AFAP1L2: variants seen among roughly 807,000 people sequenced by gnomAD.
The protein encoded by AFAP1L2 is actin filament-associated protein 1-like 2.
In AFAP1L2, 46 loss-of-function variants were observed where a neutral mutation model predicts 99.3. The ratio of observed to expected loss-of-function variants is 0.46; its 90% CI spans 0.37 to 0.59. The LOEUF is 0.59. AFAP1L2 is among the 20% of genes least tolerant of loss of function. The probability of loss-of-function intolerance (pLI) is 0.00; values close to 1 mark genes in which losing one functional copy is unlikely to be tolerated. For missense variants in AFAP1L2, 959 were observed against 1,034.9 expected (o/e 0.93, Z 1.01); for synonymous variants, 397 against 419.1 (o/e 0.95, Z 0.64).
chr10:114,389,399 T>C (rs187335843), intron 1 of AFAP1L2, among the ~76,000 whole-genome samples: 3 of 152,330 alleles, frequency 2.0e-5, no homozygotes, highest in Admixed American at 1.3e-4. Context: ...TTGGATACAC[T>C]GATTTTGAGT....
chr10:114,326,120 C>A (rs987043349), intron 4 of AFAP1L2: 17 of 1,132,000 alleles, frequency 1.5e-5, no homozygotes, highest in Non-Finnish European at 1.8e-5. Context: ...CAGGGTCTGT[C>A]CCTGGGGGCC....
At chr10:114,349,555 G>GAAAAA (rs200302338) in intron 1 of AFAP1L2, among the ~76,000 whole-genome samples, 1 of 123,780 alleles carries the variant, frequency 8.1e-6, no homozygotes. Flanking sequence ...TTGTCGCTTG[G>GAAAAA]AAAAAAAAAA....
chr10:114,389,573 T>C (rs571751351), intron 1 of AFAP1L2, among the ~76,000 whole-genome samples: 33 of 152,334 alleles, frequency 2.2e-4, no homozygotes, highest in African/African-American at 7.5e-4. Flanking sequence ...CTTAGTGATG[T>C]GAACCCAAGG....
At chr10:114,288,275 G>A in the AFAP1L2 span, among the ~76,000 whole-genome samples, 18 of 152,072 alleles carry the variant, frequency 1.2e-4, no homozygotes, top group African/African-American at 3.6e-4. Flanking sequence ...GGTCTCTCTC[G>A]AAGTCCCCTG....
chr10:114,289,974 A>G, downstream of AFAP1L2: 1 of 276,716 alleles, frequency 3.6e-6, no homozygotes, highest in Non-Finnish European at 6.8e-6. Context: ...CCTGGGCAAC[A>G]AGAGCAAGAT....
At chr10:114,283,847 G>A in the AFAP1L2 span, among the ~76,000 whole-genome samples, 1 of 152,198 alleles carries the variant, frequency 6.6e-6, no homozygotes, top group African/African-American at 2.4e-5. Context: ...GAAGTGCCTA[G>A]ACTTAGCCTC....
chr10:114,285,825 C>T, the AFAP1L2 span: 92 of 1,172,874 alleles, frequency 7.8e-5, 1 homozygote, highest in Non-Finnish European at 2.0e-5. Context: ...GCTTGGGGGG[C>T]CCACAGTTTC....
chr10:114,378,442 G>C (rs1418633522), intron 1 of AFAP1L2, among the ~76,000 whole-genome samples: 1 of 152,072 alleles, frequency 6.6e-6, no homozygotes, highest in East Asian at 1.9e-4. Context: ...ACTTCCCATG[G>C]GCAAATGTTT....
rs765763165 is a variant in AFAP1L2 at position 114,307,875 on chromosome 10, G to C, written c.1002C>G (p.Ser334Arg). The C allele has an allele frequency of 3.7e-6, 6 of 1,614,030 alleles. No individual in the cohort carries two copies. The South Asian group carries it at 6.6e-5, about 18-fold the overall frequency. Residue 334 changes from serine (S) to arginine (R), a missense_variant, in exon 10 of 19, where the codon AGC becomes AGG. Coordinates refer to ENST00000304129, the MANE Select transcript of AFAP1L2 (RefSeq NM_001001936.3). ...KKKCSAGLKL[S>R]NLMNLGRKKS... ...TCTTCCTGCCCAGATTCATTAGGTT[G>C]CTCAGTTTGAGGCCAGCAGAACATT... is the stretch of plus-strand genomic sequence containing the variant.
chr10:114,310,290 A>G, intron 8 of AFAP1L2, 64 bp downstream of exon 8: 2 of 1,504,488 alleles, frequency 1.3e-6, no homozygotes, highest in Non-Finnish European at 1.8e-6. Context: ...CCAATTTTGC[A>G]CTTTTAATTT....
the AFAP1L2 span, among the ~76,000 whole-genome samples, chr10:114,288,742 G>A: frequency 2.6e-5 from 4 of 152,354 alleles, no homozygotes; most frequent in East Asian, 5.8e-4. Flanking sequence ...ATGTGGTCTG[G>A]CAGGCACTCA....
At chr10:114,343,299 G>A (rs896567109) in intron 1 of AFAP1L2, among the ~76,000 whole-genome samples, 1 of 152,136 alleles carries the variant, frequency 6.6e-6, no homozygotes, top group African/African-American at 2.4e-5. Context: ...CCAGCAACTT[G>A]CCCACCATCC....
Position 114,304,948 on chromosome 10 carries a change from G to A in AFAP1L2, c.1073-18C>T. ...CAGGTAACCTGCAGGAGGAAGTGCA[G>A]ATGCAGGAGGGGACAGGGCTGCAGG... is the stretch of plus-strand genomic sequence containing the variant. On this transcript the variant is annotated intron_variant, in intron 10 of 18. Transcript: ENST00000304129. 1 of 1,502,294 alleles carries A rather than the reference G, an allele frequency of 6.7e-7. No homozygotes were observed. Among genetic ancestry groups the A allele is most frequent in the Non-Finnish European group, 9.0e-7 (1 of 1,108,758 alleles). The allele number at this position is 1,502,294 out of a possible 1,614,324, so 93.1% of individuals were successfully genotyped here.
At chr10:114,315,848 G>C in intron 5 of AFAP1L2, 83 bp from the exon 6 acceptor site, 21 of 1,366,300 alleles carry the variant, frequency 1.5e-5, no homozygotes, top group Non-Finnish European at 2.1e-5. Context: ...GCAGCAGGCA[G>C]GAGCAGCAGC....
At chr10:114,315,426 G>A in intron 6 of AFAP1L2, 134 bp downstream of exon 6, 1 of 826,400 alleles carries the variant, frequency 1.2e-6, no homozygotes, top group Non-Finnish European at 1.9e-6. Flanking sequence ...TCAGATTAGG[G>A]AGAAGTTAAA....
chr10:114,365,941 G>A (rs2053180220), intron 1 of AFAP1L2, among the ~76,000 whole-genome samples: 1 of 151,454 alleles, frequency 6.6e-6, no homozygotes. Flanking sequence ...TTGCTATATT[G>A]CCCAGGCTAG....
intron 1 of AFAP1L2, among the ~76,000 whole-genome samples, chr10:114,362,620 T>C (rs1258517591): frequency 6.6e-6 from 1 of 152,122 alleles, no homozygotes; most frequent in Non-Finnish European, 1.5e-5. Flanking sequence ...TCCGGAACCA[T>C]AAGAGAATAA....
chr10:114,301,557 C>T (rs1301985339), intron 12 of AFAP1L2, 92 bp from the exon 13 acceptor site: 14 of 945,306 alleles, frequency 1.5e-5, no homozygotes, highest in East Asian at 9.8e-5. Flanking sequence ...GAGTGGTTGC[C>T]GTGAAAGTGG....
intron 1 of AFAP1L2, among the ~76,000 whole-genome samples, chr10:114,344,954 A>G (rs976788305): frequency 3.3e-5 from 5 of 152,010 alleles, no homozygotes; most frequent in Non-Finnish European, 1.5e-5. Flanking sequence ...AAAACTAGCC[A>G]GGGGTGGTGG....
Sources: allele counts gnomAD v4.1 joint callset (sites outside exome capture counted in the v4.1 genomes callset), GRCh38; gene constraint gnomAD v4.1.1; transcripts MANE v1.5; gene names NCBI Gene and HGNC (gene_info 2026-07-23, HGNC 2026-07-21).